The following ATXN10 variants were observed in gnomAD, a reference collection of about 807,000 sequenced individuals.
ATXN10 encodes ataxin-10.
A neutral mutation model predicts 52.9 loss-of-function variants in ATXN10; 28 were observed. The ratio of observed to expected loss-of-function variants is 0.53; its 90% CI spans 0.39 to 0.73. The LOEUF (loss-of-function observed/expected upper bound fraction) is 0.73, where lower values mean the gene tolerates loss of function less well. Ranked by LOEUF, ATXN10 falls within the 30% of genes least tolerant of loss-of-function variation. ATXN10 has a pLI of 0.00. For missense variants in ATXN10, 565 were observed against 577.0 expected (o/e 0.98, Z 0.21); for synonymous variants, 226 against 221.5 (o/e 1.02, Z -0.18).
chr22:45,808,263 C>T (rs557086043), intron 10 of ATXN10, among the ~76,000 whole-genome samples: 43 of 152,080 alleles, frequency 2.8e-4, no homozygotes, highest in Non-Finnish European at 6.2e-4. Flanking sequence ...GAAAGCAGTA[C>T]GAGAATGTTC....
In ATXN10 at chr22:45,681,132, C is replaced by A. The variant is rs1922904406; in HGVS notation, c.117-8580C>A. On this transcript the variant is annotated intron_variant, in intron 1 of 11. Coordinates refer to ENST00000252934, the MANE Select transcript of ATXN10 (RefSeq NM_013236.4). This position sits in a 1 kb window ranked among gnomAD's most constrained non-coding sequence, Gnocchi z 4.2. ...ACCTTTGGGTCAGTCTGCCTCATTC[C>A]TTGAAGAGTTTAGCCCTGGCTCACT... Among the ~76,000 whole-genome samples the A allele has an allele frequency of 6.6e-6, 1 of 152,192 alleles. No homozygotes were observed. Among genetic ancestry groups the A allele is most frequent in the Non-Finnish European group, 1.5e-5 (1 of 68,040 alleles).
rs1319874706 is a variant in ATXN10 at position 45,816,925 on chromosome 22, C to T, written c.1237+9903C>T. Among the ~76,000 whole-genome samples, 1 of 152,096 alleles carries T rather than the reference C, an allele frequency of 6.6e-6. No homozygotes were observed. Among genetic ancestry groups the T allele is most frequent in the African/African-American group, 2.4e-5 (1 of 41,410 alleles). On this transcript the variant is annotated intron_variant, in intron 10 of 11. Coordinates refer to ENST00000252934, the MANE Select transcript of ATXN10 (RefSeq NM_013236.4). This position sits in a 1 kb window ranked among gnomAD's most constrained non-coding sequence, Gnocchi z 5.8. ...AGAATCTAGCGTGGTATCAGGCCTG[C>T]CAAACAGCAGCCGGAAGGAGGCTCC...
Position 45,727,743 on chromosome 22 carries a change from C to T in ATXN10, c.729-1682C>T, listed in dbSNP as rs1924936092. 1.3e-5 allele frequency among the ~76,000 whole-genome samples: 2 copies of T among 152,086 alleles called. No individual in the cohort carries two copies. Among genetic ancestry groups the T allele is most frequent in the Admixed American group, 1.3e-4 (2 of 15,260 alleles). On this transcript the variant is annotated intron_variant, in intron 6 of 11. Coordinates refer to ENST00000252934, the MANE Select transcript of ATXN10 (RefSeq NM_013236.4). This position sits in a 1 kb window ranked among gnomAD's most constrained non-coding sequence, Gnocchi z 4.6. The stretch of plus-strand genomic sequence containing the variant: ...GTCTGTCTTTTCTTAGGTCTAGTAA[C>T]TGTTTTGTGAATCTGGGAGCTTCAG...
chr22:45,725,787 A>T (rs887439799), intron 6 of ATXN10, among the ~76,000 whole-genome samples: 1 of 152,094 alleles, frequency 6.6e-6, no homozygotes, highest in African/African-American at 2.4e-5. Context: ...ATTAAGTATG[A>T]GGTTGGCTAT....
chr22:45,768,092 AGTATTTTT>A (rs1240389979), intron 9 of ATXN10, among the ~76,000 whole-genome samples: 1 of 152,246 alleles, frequency 6.6e-6, no homozygotes, highest in East Asian at 1.9e-4. Flanking sequence ...AATCATGGTT[AGTATTTTT>A]CTTTCCAGAA....
At chr22:45,756,010 C>T (rs1194581053) in intron 9 of ATXN10, among the ~76,000 whole-genome samples, 1 of 151,978 alleles carries the variant, frequency 6.6e-6, no homozygotes, top group African/African-American at 2.4e-5. Flanking sequence ...CACCCACCTC[C>T]TCCTTCTGCC....
chr22:45,783,803 T>G lies in ATXN10; in HGVS notation c.1174-23156T>G, dbSNP rs1257357744. Among the ~76,000 whole-genome samples, 1 of 152,066 alleles carries G rather than the reference T, an allele frequency of 6.6e-6. No homozygotes were observed. The highest frequency in any genetic ancestry group is 1.5e-5 in the Non-Finnish European group (1 of 68,012). ...AGGTGTTAGCACACAGAGAAATAGG[T>G]CTTGGAAAAAGGACCTGAAAGTGCT... On this transcript the variant is annotated intron_variant, in intron 9 of 11. Coordinates refer to ENST00000252934, the MANE Select transcript of ATXN10 (RefSeq NM_013236.4). The surrounding 1 kb of genome is among the most constrained non-coding windows in gnomAD (Gnocchi z 5.0).
Position 45,733,560 on chromosome 22 carries a change from C to T in ATXN10, c.894+3970C>T, listed in dbSNP as rs1165463946. On this transcript the variant is annotated intron_variant, in intron 7 of 11. Transcript: ENST00000252934. The surrounding 1 kb of genome is among the most constrained non-coding windows in gnomAD (Gnocchi z 4.4). ...GACCAGCCTGACTAACATGGTGAGA[C>T]CCCCGTCTCTACTAAAAATACAAAA... 1.3e-5 allele frequency among the ~76,000 whole-genome samples: 2 copies of T among 151,998 alleles called. No homozygotes were observed. Among genetic ancestry groups the T allele is most frequent in the South Asian group, 2.1e-4 (1 of 4,820 alleles).
At chr22:45,711,197 A>C (rs1220653204) in intron 5 of ATXN10, among the ~76,000 whole-genome samples, 1 of 152,120 alleles carries the variant, frequency 6.6e-6, no homozygotes, top group Non-Finnish European at 1.5e-5. Flanking sequence ...AAAAGGAACA[A>C]GTGTTGGTAC....
chr22:45,731,121 GTCAT>G (rs1925073921), intron 7 of ATXN10, among the ~76,000 whole-genome samples: 1 of 152,046 alleles, frequency 6.6e-6, no homozygotes, highest in Non-Finnish European at 1.5e-5. Flanking sequence ...CCTTTCTTCT[GTCAT>G]AAAGTTAGAA....
chr22:45,735,180 G>A (rs1305397554), intron 7 of ATXN10, among the ~76,000 whole-genome samples: 1 of 152,000 alleles, frequency 6.6e-6, no homozygotes, highest in East Asian at 1.9e-4. Flanking sequence ...TGCCCGGCCA[G>A]GTTGTATTTT....
In ATXN10 at chr22:45,786,980, A is replaced by G. The variant is rs569530660; in HGVS notation, c.1174-19979A>G. Among the ~76,000 whole-genome samples, 62 of 152,318 alleles carry G rather than the reference A, an allele frequency of 4.1e-4. No individual in the cohort carries two copies. The highest frequency in any genetic ancestry group is 5.9e-4 in the Non-Finnish European group (40 of 68,026). On this transcript the variant is annotated intron_variant, in intron 9 of 11. Transcript: ENST00000252934. The surrounding 1 kb of genome is among the most constrained non-coding windows in gnomAD (Gnocchi z 4.1). ...AATTGTCTATATGGATGCTCATTGC[A>G]TTGTTGGTGAAAATTTAGTCATGAT... is the stretch of plus-strand genomic sequence containing the variant.
chr22:45,710,141 GC>G (rs1924190743), intron 5 of ATXN10, among the ~76,000 whole-genome samples: 1 of 152,152 alleles, frequency 6.6e-6, no homozygotes, highest in Non-Finnish European at 1.5e-5. Flanking sequence ...ACCATTCAGT[GC>G]CTTCTTATTG....
In ATXN10 at chr22:45,671,897, AGCTTCAGGGCAGCGCGG is replaced by A; in HGVS notation, c.-163_-147del. 1 of 700,158 alleles carries A rather than the reference AGCTTCAGGGCAGCGCGG, an allele frequency of 1.4e-6. No homozygotes were observed. The highest frequency in any genetic ancestry group is 1.9e-5 in the African/African-American group (1 of 52,686). 43.4% of individuals were successfully genotyped at this position (700,158 alleles called of 1,614,324 possible). A position where few individuals can be genotyped will look rare whatever the true frequency, so the allele number is the denominator to read the frequency against. Reference sequence around the variant, plus strand: ...GCCTAGAGCTCTCCGGCGGCGGCGCAGCTTCAGGGCAGCGCGGGCTGCAGCGGCGGCGGCGGTTAGGG... The same window carrying A: ...GCCTAGAGCTCTCCGGCGGCGGCGCAGCTGCAGCGGCGGCGGCGGTTAGGG... On this transcript the variant is annotated 5_prime_UTR_variant, in exon 1 of 12. Transcript: ENST00000252934.
At chr22:45,814,672 T>G (rs1330936930) in intron 10 of ATXN10, among the ~76,000 whole-genome samples, 1 of 152,170 alleles carries the variant, frequency 6.6e-6, no homozygotes, top group African/African-American at 2.4e-5. Flanking sequence ...CCTCATCCCC[T>G]CAGCCGCAGA....
chr22:45,824,512 G>T lies in ATXN10; in HGVS notation c.1237+17490G>T, dbSNP rs1439688082. ...CTCTGCTGTGTCCCCCTTCCATAGTGATTGTCTTTACTTTCCATCCCTTAG... is the reference window on the plus strand; with the variant it reads ...CTCTGCTGTGTCCCCCTTCCATAGTTATTGTCTTTACTTTCCATCCCTTAG... On this transcript the variant is annotated intron_variant, in intron 10 of 11. Coordinates refer to ENST00000252934, the MANE Select transcript of ATXN10 (RefSeq NM_013236.4). The surrounding 1 kb of genome is among the most constrained non-coding windows in gnomAD (Gnocchi z 5.2). Among the ~76,000 whole-genome samples, 1 of 152,164 alleles carries T rather than the reference G, an allele frequency of 6.6e-6. No individual in the cohort carries two copies. Among genetic ancestry groups the T allele is most frequent in the African/African-American group, 2.4e-5 (1 of 41,426 alleles).
intron 10 of ATXN10, among the ~76,000 whole-genome samples, chr22:45,830,471 A>G (rs927303289): frequency 9.2e-5 from 14 of 152,364 alleles, no homozygotes; most frequent in African/African-American, 3.4e-4. Flanking sequence ...TTGATAAGGG[A>G]TAGATATCTA....
intron 10 of ATXN10, among the ~76,000 whole-genome samples, chr22:45,817,796 T>A (rs1348596890): frequency 1.3e-5 from 2 of 151,966 alleles, no homozygotes; most frequent in African/African-American, 4.8e-5. Flanking sequence ...GATTGCCGGG[T>A]GCAGGACTGT....
chr22:45,793,699 C>T (rs1927601217), intron 9 of ATXN10: 1 of 1,479,492 alleles, frequency 6.8e-7, no homozygotes, highest in Admixed American at 2.1e-5. Context: ...TCACACAGCT[C>T]CATGCTGAGG....
Sources: gnomAD v4.1 joint callset for allele counts (sites outside exome capture counted in the v4.1 genomes callset) on GRCh38, gnomAD v4.1.1 for gene constraint, Gnocchi (gnomAD v3.1) non-coding constraint, MANE v1.5 for transcripts, NCBI Gene and HGNC (gene_info 2026-07-23, HGNC 2026-07-21) for gene names.